ICA1: variants seen among roughly 807,000 people sequenced by gnomAD.
ICA1 encodes the protein 69 kDa islet cell autoantigen.
In ICA1, 40 loss-of-function variants were observed where a neutral mutation model predicts 71.0. That is an observed-to-expected ratio of 0.56 (90% CI 0.44 to 0.73). The LOEUF (loss-of-function observed/expected upper bound fraction) is 0.73, where lower values mean the gene tolerates loss of function less well. Ranked by LOEUF, ICA1 falls within the 30% of genes least tolerant of loss-of-function variation. ICA1 has a pLI of 0.00. For missense variants in ICA1, 578 were observed against 576.5 expected (o/e 1.00, Z -0.03); for synonymous variants, 207 against 209.5 (o/e 0.99, Z 0.10).
At chr7:8,198,082 C>A (rs963280977) in intron 6 of ICA1, among the ~76,000 whole-genome samples, 1 of 152,148 alleles carries the variant, frequency 6.6e-6, no homozygotes, top group Non-Finnish European at 1.5e-5. Context: ...TTGTGGTATA[C>A]CACAAGCCAA....
At chr7:8,160,879 C>A (rs907698346) in intron 6 of ICA1, among the ~76,000 whole-genome samples, 3 of 152,128 alleles carry the variant, frequency 2.0e-5, no homozygotes, top group African/African-American at 7.2e-5. Flanking sequence ...TCCTGCCTCC[C>A]TTTGAGAGGA....
rs544607440 is a variant in ICA1, at chr7:8,140,368, C to T, written c.956-1321G>A. 1.0e-3 allele frequency among the ~76,000 whole-genome samples: 154 copies of T among 152,308 alleles called. 2 individuals carry two copies. The highest frequency in any genetic ancestry group is 3.4e-3 in the Middle Eastern group (1 of 294). On this transcript the variant is annotated intron_variant, in intron 10 of 13. Transcript: ENST00000402384. Reference sequence around the variant, plus strand: ...GTTTCTCTGACTTTCTCCAGGTCCTCCTGTGCCCATAACCTTTGCCCAGGC... The same window carrying T: ...GTTTCTCTGACTTTCTCCAGGTCCTTCTGTGCCCATAACCTTTGCCCAGGC...
At position 8,132,301 on chromosome 7, in the gene ICA1, C is replaced by G. The variant is rs1219691836; in HGVS notation, c.1061-4159G>C. On this transcript the variant is annotated intron_variant, in intron 12 of 13. Coordinates refer to ENST00000402384, the MANE Select transcript of ICA1 (RefSeq NM_001136020.3). The surrounding 1 kb of genome is among the most constrained non-coding windows in gnomAD (Gnocchi z 4.5). ...ACCTTTAGTCTTTCATTTTCCAATG[C>G]TTCCTTCCCCTAGCCGCAGGAGATG... 6.6e-6 allele frequency among the ~76,000 whole-genome samples: 1 copy of G among 152,100 alleles called. No homozygotes were observed. Among genetic ancestry groups the G allele is most frequent in the African/African-American group, 2.4e-5 (1 of 41,396 alleles).
chr7:8,155,198 A>G (rs192592545), intron 8 of ICA1, among the ~76,000 whole-genome samples: 2 of 152,308 alleles, frequency 1.3e-5, no homozygotes, highest in East Asian at 3.9e-4. Flanking sequence ...TATTACTCCT[A>G]CTAAGATTAT....
At chr7:8,186,391 G>T (rs191411847) in intron 6 of ICA1, among the ~76,000 whole-genome samples, 2 of 152,298 alleles carry the variant, frequency 1.3e-5, no homozygotes, top group Admixed American at 6.5e-5. Flanking sequence ...TTGGACCTAG[G>T]GAAGGAGAGT....
intron 6 of ICA1, among the ~76,000 whole-genome samples, chr7:8,213,069 T>C (rs1247443824): frequency 1.3e-5 from 2 of 152,126 alleles, no homozygotes; most frequent in Non-Finnish European, 2.9e-5. Flanking sequence ...AGAGTCAATC[T>C]ACTTGAATCC....
chr7:8,255,495 T>C (rs1326237170), intron 1 of ICA1, among the ~76,000 whole-genome samples: 2 of 152,182 alleles, frequency 1.3e-5, no homozygotes, highest in African/African-American at 4.8e-5. Context: ...CTTGCTCTCA[T>C]TAGGTGATTT....
intron 6 of ICA1, among the ~76,000 whole-genome samples, chr7:8,189,388 T>C (rs1048350374): frequency 3.3e-5 from 5 of 152,176 alleles, no homozygotes; most frequent in African/African-American, 1.2e-4. Context: ...TAAGGTCCTA[T>C]GTTGGGTTTA....
intron 1 of ICA1, among the ~76,000 whole-genome samples, chr7:8,241,812 A>G (rs1177479400): frequency 6.6e-6 from 1 of 152,250 alleles, no homozygotes; most frequent in Admixed American, 6.5e-5. Flanking sequence ...ATCAAAAGAG[A>G]CAAAGAAGGC....
chr7:8,163,532 C>T (rs181566259), intron 6 of ICA1, among the ~76,000 whole-genome samples: 8 of 152,240 alleles, frequency 5.3e-5, no homozygotes, highest in Non-Finnish European at 7.4e-5. Flanking sequence ...TTCAGATCAG[C>T]GAAGGTGTAA....
At chr7:8,233,731 A>G (rs562004870) in intron 2 of ICA1, among the ~76,000 whole-genome samples, 18 of 152,238 alleles carry the variant, frequency 1.2e-4, no homozygotes, top group Non-Finnish European at 2.4e-4. Context: ...TGTATTGTGC[A>G]CCTAAAATTT....
intron 10 of ICA1, among the ~76,000 whole-genome samples, chr7:8,140,948 G>A (rs1475932033): frequency 6.6e-6 from 1 of 152,202 alleles, no homozygotes; most frequent in Non-Finnish European, 1.5e-5. Context: ...ACACCAGAGG[G>A]TGAAGCAGGA....
At chr7:8,182,106 G>T (rs1432668761) in intron 6 of ICA1, among the ~76,000 whole-genome samples, 2 of 152,016 alleles carry the variant, frequency 1.3e-5, no homozygotes, top group Admixed American at 1.3e-4. Flanking sequence ...CTACAACTCT[G>T]CCAGAAACAC....
At chr7:8,218,693 T>C (rs1489301122) in intron 5 of ICA1, 190 bp from the exon 6 acceptor site, 1 of 611,480 alleles carries the variant, frequency 1.6e-6, no homozygotes, top group Non-Finnish European at 2.9e-6. Context: ...GAGAAGATTA[T>C]CCATGTACCC....
At chr7:8,175,849 G>A (rs1393026332) in intron 6 of ICA1, among the ~76,000 whole-genome samples, 1 of 152,162 alleles carries the variant, frequency 6.6e-6, no homozygotes, top group Non-Finnish European at 1.5e-5. Flanking sequence ...TGATTCAGGA[G>A]AATTGGGCAC....
rs1801846755 is a variant in ICA1, at chr7:8,157,011, T to G, written c.804+105A>C. 2.5e-6 allele frequency: 4 copies of G among 1,602,334 alleles called. No homozygotes were observed. The African/African-American group carries it at 5.3e-5, about 21-fold the overall frequency. On this transcript the variant is annotated intron_variant, in intron 8 of 13. Coordinates refer to ENST00000402384, the MANE Select transcript of ICA1 (RefSeq NM_001136020.3). ...GGGGGCACAGTTCTCTCTTCAGCAT[T>G]CTGAGTCCTGGAATAATGATGCTTT...
intron 4 of ICA1, among the ~76,000 whole-genome samples, chr7:8,228,241 G>A (rs1210187158): frequency 6.6e-6 from 1 of 152,060 alleles, no homozygotes; most frequent in Non-Finnish European, 1.5e-5. Context: ...TGTGCCTTCT[G>A]TCTCTTATCT....
chr7:8,161,442 T>C (rs1486517607), intron 6 of ICA1, among the ~76,000 whole-genome samples: 1 of 152,220 alleles, frequency 6.6e-6, no homozygotes, highest in Non-Finnish European at 1.5e-5. Flanking sequence ...GTATTCTCAT[T>C]CTTTGCCCTG....
chr7:8,159,658 C>G (rs769062431), intron 6 of ICA1, among the ~76,000 whole-genome samples: 2 of 152,090 alleles, frequency 1.3e-5, no homozygotes, highest in African/African-American at 4.8e-5. Flanking sequence ...CAAGATTGTG[C>G]CACTGCACCC....
Sources: allele counts gnomAD v4.1 joint callset (sites outside exome capture counted in the v4.1 genomes callset), GRCh38; gene constraint gnomAD v4.1.1; non-coding constraint Gnocchi (gnomAD v3.1); transcripts MANE v1.5; gene names NCBI Gene and HGNC (gene_info 2026-07-23, HGNC 2026-07-21).